NOP9: variants seen among roughly 807,000 people sequenced by gnomAD.
The protein encoded by NOP9 is nucleolar protein 9.
A neutral mutation model predicts 63.0 loss-of-function variants in NOP9; 50 were observed. The ratio of observed to expected loss-of-function variants is 0.79; its 90% confidence interval spans 0.63 to 1.00. The LOEUF (loss-of-function observed/expected upper bound fraction) is 1.00. Among genes scored for constraint, NOP9 ranks in the 50% least tolerant of loss-of-function variants. The pLI is 0.00. For missense variants in NOP9, 758 were observed against 803.0 expected (o/e 0.94, Z 0.68); for synonymous variants, 343 against 332.8 (o/e 1.03, Z -0.33).
chr14:24,286,022 C>T, the NOP9 span, among the ~76,000 whole-genome samples: 1 of 152,058 alleles, frequency 6.6e-6, no homozygotes, highest in Admixed American at 6.5e-5. Context: ...ACAAAAATCT[C>T]TTCTTCTTTC....
chr14:24,300,812 A>G lies in NOP9; in HGVS notation c.652A>G (p.Ile218Val), dbSNP rs376412304. 1.4e-5 allele frequency: 22 copies of G among 1,614,068 alleles called. No homozygotes were observed. Among genetic ancestry groups the G allele is most frequent in the Admixed American group, 1.2e-4 (7 of 60,010 alleles). The change falls in exon 2 of 10, where the codon ATT becomes GTT. Residue 218 changes from isoleucine to valine, a missense_variant. By Grantham distance (29) the Ile-to-Val change is conservative. Coordinates refer to ENST00000267425, the MANE Select transcript of NOP9 (RefSeq NM_174913.3). The stretch of plus-strand genomic sequence containing the variant: ...TCTGCTTCAGGTGTTAGGAGGGACT[A>G]TTCTGGAGTCTGAGAGAGCCAGGCC... ...RTLLQVLGGTILESERARPRG... is the reference protein window; with the variant it reads ...RTLLQVLGGTVLESERARPRG...
the NOP9 span, among the ~76,000 whole-genome samples, chr14:24,288,356 T>C: frequency 6.7e-6 from 1 of 149,598 alleles, no homozygotes; most frequent in African/African-American, 2.5e-5. Flanking sequence ...AATTGACAAT[T>C]TTTTTTTTTT....
At chr14:24,296,713 G>A (rs775996322), upstream of NOP9, 16 of 1,614,040 alleles carry the variant, frequency 9.9e-6, no homozygotes, top group Non-Finnish European at 1.4e-5. Flanking sequence ...GAAATGTGGA[G>A]TTGGGAACAA....
the NOP9 span, chr14:24,291,861 C>G: frequency 1.6e-6 from 1 of 611,230 alleles, no homozygotes; most frequent in East Asian, 2.8e-5. Context: ...GTGGAAGGAT[C>G]TGGTAGTGCC....
In NOP9 at chr14:24,306,699, C is replaced by T. The variant is rs560111160; in HGVS notation, c.*1604C>T. The T allele has an allele frequency of 8.4e-6, 6 of 717,528 alleles. No individual in the cohort carries two copies. In the African/African-American group the frequency reaches 8.9e-5, roughly 11 times the overall value. 44.4% of individuals were successfully genotyped at this position (717,528 alleles called of 1,614,324 possible). On this transcript the variant is annotated 3_prime_UTR_variant, in exon 10 of 10. Coordinates refer to ENST00000267425, the MANE Select transcript of NOP9 (RefSeq NM_174913.3). Reference sequence around the variant, plus strand: ...CCGTGTTCTTCAGTTTTTGGGGGATCCTAGCTAGAGGCTGACCTTTTTCCT... The same window carrying T: ...CCGTGTTCTTCAGTTTTTGGGGGATTCTAGCTAGAGGCTGACCTTTTTCCT...
the NOP9 span, among the ~76,000 whole-genome samples, chr14:24,277,372 C>G: frequency 6.6e-6 from 1 of 151,928 alleles, no homozygotes; most frequent in Non-Finnish European, 1.5e-5. Flanking sequence ...GTCAGGTGTG[C>G]GCAGGTAGTC....
chr14:24,277,553 G>T, the NOP9 span, among the ~76,000 whole-genome samples: 1 of 152,190 alleles, frequency 6.6e-6, no homozygotes, highest in African/African-American at 2.4e-5. Flanking sequence ...CTGTGCTCCC[G>T]AAGCCATAAT....
rs1223384196 is a variant in NOP9, at chr14:24,307,946, C to T, written c.*2851C>T. 4 of 1,223,570 alleles carry T rather than the reference C, an allele frequency of 3.3e-6. No individual in the cohort carries two copies. The highest frequency in any genetic ancestry group is 4.7e-6 in the Non-Finnish European group (4 of 848,854). 75.8% of individuals were successfully genotyped at this position (1,223,570 alleles called of 1,614,324 possible). A position where few individuals can be genotyped will look rare whatever the true frequency, so the allele number is the denominator to read the frequency against. On this transcript the variant is annotated 3_prime_UTR_variant, in exon 10 of 10. Transcript: ENST00000267425. Reference sequence around the variant, plus strand: ...CTTTAGTGGTGTTTTCTGTTACAAACCTGGGATCTCAGCCCAGGACAAGGT... The same window carrying T: ...CTTTAGTGGTGTTTTCTGTTACAAATCTGGGATCTCAGCCCAGGACAAGGT...
chr14:24,299,168 G>A, upstream of NOP9: 1 of 1,557,442 alleles, frequency 6.4e-7, no homozygotes, highest in Non-Finnish European at 8.7e-7. Flanking sequence ...GAAGCCTGGA[G>A]ACTGTGTGTG....
intron 3 of NOP9, 121 bp downstream of exon 3, chr14:24,301,843 C>A: frequency 2.1e-6 from 3 of 1,458,416 alleles, no homozygotes; most frequent in South Asian, 1.2e-5. Context: ...GTTTGACGTT[C>A]AGAGCACTTT....
At chr14:24,290,910 G>A in the NOP9 span, 3 of 1,613,948 alleles carry the variant, frequency 1.9e-6, no homozygotes, top group Non-Finnish European at 2.5e-6. Context: ...CACGGAGGAA[G>A]GAGGGCAGGT....
the NOP9 span, among the ~76,000 whole-genome samples, chr14:24,288,420 G>A: frequency 1.3e-5 from 2 of 151,860 alleles, no homozygotes. Context: ...CGCAATCTCT[G>A]CTCACTGCAA....
At chr14:24,291,392 C>G in the NOP9 span, 1 of 1,032,884 alleles carries the variant, frequency 9.7e-7, no homozygotes, top group Non-Finnish European at 1.5e-6. Context: ...GCTCCTAAGG[C>G]TCTCAGACCT....
chr14:24,306,532 T>G lies in NOP9; in HGVS notation c.*1437T>G. The stretch of plus-strand genomic sequence containing the variant: ...AGTAGGGTCTCCAATGCCTGCCCAA[T>G]GGCAAGAAGCAAGAAGGGCAGGTCT... On this transcript the variant is annotated 3_prime_UTR_variant, in exon 10 of 10. Coordinates refer to ENST00000267425, the MANE Select transcript of NOP9 (RefSeq NM_174913.3). 2 of 1,614,242 alleles carry G rather than the reference T, an allele frequency of 1.2e-6. No homozygotes were observed. Among genetic ancestry groups the G allele is most frequent in the Non-Finnish European group, 1.7e-6 (2 of 1,180,032 alleles).
chr14:24,303,278 T>A, intron 6 of NOP9, 64 bp downstream of exon 6: 1 of 1,600,370 alleles, frequency 6.2e-7, no homozygotes, highest in East Asian at 2.2e-5. Flanking sequence ...TTAGGACTTA[T>A]CTAATCTTAA....
chr14:24,303,147 T>C lies in NOP9; in HGVS notation c.1217T>C (p.Ile406Thr). Residue 406 changes from isoleucine to threonine, a missense_variant, in exon 6 of 10, where the codon ATT (isoleucine) becomes ACT (threonine). Coordinates refer to ENST00000267425, the MANE Select transcript of NOP9 (RefSeq NM_174913.3). The part of the protein sequence containing the change: ...VLAQGHPGVV[I>T]ALVGACRRVG... The stretch of plus-strand genomic sequence containing the variant: ...GCCCAGGGCCACCCAGGGGTAGTCA[T>C]TGCCCTGGTGGGGGCCTGTCGCAGA... 1 of 1,613,676 alleles carries C rather than the reference T, an allele frequency of 6.2e-7. No homozygotes were observed. Among genetic ancestry groups the C allele is most frequent in the Non-Finnish European group, 8.5e-7 (1 of 1,179,818 alleles).
Position 24,300,445 on chromosome 14 carries a change from T to C in NOP9, c.285T>C (p.Thr95=), listed in dbSNP as rs773196067. 1.4e-4 allele frequency: 224 copies of C among 1,613,922 alleles called. No individual in the cohort carries two copies. Among genetic ancestry groups the C allele is most frequent in the Admixed American group, 5.7e-4 (34 of 59,980 alleles). The part of the protein sequence containing the change: ...MVHNIMKEVE[T]QALALSTNRT... ...ACAATATAATGAAGGAAGTAGAGAC[T>C]CAGGCCCTAGCTTTGTCCACGAACA... Residue 95 remains threonine (T), a synonymous_variant, in exon 2 of 10, where the codon ACT becomes ACC. Transcript: ENST00000267425.
Position 24,300,217 on chromosome 14 carries a change from G to A in NOP9, c.247+16G>A, listed in dbSNP as rs762796426. On this transcript the variant is annotated intron_variant, in intron 1 of 9. Coordinates refer to ENST00000267425, the MANE Select transcript of NOP9 (RefSeq NM_174913.3). ...GAAGAACGAGGTAGGCAGCAACTTCGGGGTTTAGACCAAGAGCATCAAATC... is the reference window on the plus strand; with the variant it reads ...GAAGAACGAGGTAGGCAGCAACTTCAGGGTTTAGACCAAGAGCATCAAATC... 1.1e-5 allele frequency: 17 copies of A among 1,612,782 alleles called. No homozygotes were observed. Among genetic ancestry groups the A allele is most frequent in the Non-Finnish European group, 1.4e-5 (16 of 1,179,098 alleles).
upstream of NOP9, among the ~76,000 whole-genome samples, chr14:24,296,189 G>A (rs111738149): frequency 6.3e-3 from 967 of 152,302 alleles, 7 homozygotes; most frequent in Non-Finnish European, 6.7e-3. Context: ...CATTTTGAAA[G>A]TATAGACTAC....
Sources: gnomAD v4.1 joint callset for allele counts (sites outside exome capture counted in the v4.1 genomes callset) on GRCh38, gnomAD v4.1.1 for gene constraint, MANE v1.5 for transcripts, NCBI Gene and HGNC (gene_info 2026-07-23, HGNC 2026-07-21) for gene names.